ANKRD12: variants seen among roughly 807,000 people sequenced by gnomAD.
The protein encoded by ANKRD12 is ankyrin repeat domain 12.
A neutral mutation model predicts 183.4 loss-of-function variants in ANKRD12; 85 were observed. The ratio of observed to expected loss-of-function variants is 0.46; its 90% CI spans 0.39 to 0.56. The LOEUF is 0.56. ANKRD12 is among the 20% of genes least tolerant of loss of function. The pLI is 0.00. For missense variants in ANKRD12, 2,405 were observed against 2,357.1 expected (o/e 1.02, Z -0.42); for synonymous variants, 914 against 800.2 (o/e 1.14, Z -2.40).
intron 10 of ANKRD12, among the ~76,000 whole-genome samples, chr18:9,270,579 C>T (rs2039544961): frequency 1.3e-5 from 2 of 151,998 alleles, no homozygotes; most frequent in Non-Finnish European, 2.9e-5. Flanking sequence ...AACACATGGA[C>T]ACAGGAAGGG....
intron 6 of ANKRD12, among the ~76,000 whole-genome samples, chr18:9,216,302 T>G (rs1342122389): frequency 2.0e-5 from 3 of 152,154 alleles, no homozygotes; most frequent in Non-Finnish European, 4.4e-5. Context: ...TGATGACCTT[T>G]TTGATGATCC....
intron 10 of ANKRD12, among the ~76,000 whole-genome samples, chr18:9,274,400 A>T (rs544926998): frequency 6.6e-6 from 1 of 152,362 alleles, no homozygotes; most frequent in South Asian, 2.1e-4. Flanking sequence ...AACATGGATG[A>T]ACCTTGAAAT....
At chr18:9,183,463 G>C (rs979199764) in intron 2 of ANKRD12, among the ~76,000 whole-genome samples, 2 of 152,066 alleles carry the variant, frequency 1.3e-5, no homozygotes, top group Non-Finnish European at 2.9e-5. Flanking sequence ...GCATTCTATT[G>C]TTAAATTATT....
At chr18:9,166,308 A>G (rs1376715049) in intron 1 of ANKRD12, among the ~76,000 whole-genome samples, 1 of 152,178 alleles carries the variant, frequency 6.6e-6, no homozygotes, top group African/African-American at 2.4e-5. Flanking sequence ...TGACTTCCAC[A>G]ATGGTTGAAC....
intron 2 of ANKRD12, among the ~76,000 whole-genome samples, chr18:9,185,169 G>A (rs571790141): frequency 6.6e-6 from 1 of 152,336 alleles, no homozygotes; most frequent in South Asian, 2.1e-4. Context: ...AGGATAGGAG[G>A]TGAGTCTAGC....
At chr18:9,198,828 G>C (rs1249240492) in intron 3 of ANKRD12, among the ~76,000 whole-genome samples, 1 of 152,128 alleles carries the variant, frequency 6.6e-6, no homozygotes, top group Non-Finnish European at 1.5e-5. Context: ...TTACAGGAGT[G>C]AGCCAACATG....
At chr18:9,267,778 G>C (rs1911587849) in intron 10 of ANKRD12, among the ~76,000 whole-genome samples, 1 of 152,118 alleles carries the variant, frequency 6.6e-6, no homozygotes, top group South Asian at 2.1e-4. Context: ...GATCAGAGCA[G>C]AACTGAAGGA....
chr18:9,174,955 T>A (rs74984137), intron 1 of ANKRD12, among the ~76,000 whole-genome samples: 5 of 128,254 alleles, frequency 3.9e-5, no homozygotes, highest in African/African-American at 1.4e-4. Context: ...TATTTATTTA[T>A]TTAATTTGTT....
At chr18:9,279,389 A>G (rs2040003750) in intron 11 of ANKRD12, among the ~76,000 whole-genome samples, 160 bp from the exon 12 acceptor site, 1 of 152,212 alleles carries the variant, frequency 6.6e-6, no homozygotes, top group South Asian at 2.1e-4. Flanking sequence ...CAATGTGGAA[A>G]TAAAAGTTTT....
Position 9,149,792 on chromosome 18 carries a change from A to ATTTATTTTT in ANKRD12, c.-52+12827_-52+12828insTTTATTTTT, listed in dbSNP as rs75749856. On this transcript the variant is annotated intron_variant, in intron 1 of 12. Transcript: ENST00000262126. ...TAATGATTTATTTATTTATTTATTA[A>ATTTATTTTT]ATTTTATTTTTTTTTTTTTTTGAGA... 2.5e-4 allele frequency among the ~76,000 whole-genome samples: 7 copies of ATTTATTTTT among 28,196 alleles called. 1 individual carries two copies. The highest frequency in any genetic ancestry group is 4.3e-4 in the Non-Finnish European group (5 of 11,580). The allele number at this position is 28,196 out of a possible 152,430, so 18.5% of individuals were successfully genotyped here. A position where few individuals can be genotyped will look rare whatever the true frequency, so the allele number is the denominator to read the frequency against.
chr18:9,227,898 C>T (rs2036815858), intron 8 of ANKRD12, among the ~76,000 whole-genome samples: 1 of 152,142 alleles, frequency 6.6e-6, no homozygotes, highest in Non-Finnish European at 1.5e-5. Context: ...AACATTAGAA[C>T]TTACTTCATC....
Position 9,228,831 on chromosome 18 carries a change from A to G in ANKRD12, c.943+6832A>G, listed in dbSNP as rs184423547. Reference sequence around the variant, plus strand: ...TATAGTTTGATAGCCCCATTTGTCTACTTTTTTGTTTCCTGTGCATTTGAG... The same window carrying G: ...TATAGTTTGATAGCCCCATTTGTCTGCTTTTTTGTTTCCTGTGCATTTGAG... On this transcript the variant is annotated intron_variant, in intron 8 of 12. Coordinates refer to ENST00000262126, the MANE Select transcript of ANKRD12 (RefSeq NM_015208.5). Among the ~76,000 whole-genome samples the G allele has an allele frequency of 2.2e-4, 33 of 150,262 alleles. No individual in the cohort carries two copies. The East Asian group carries it at 5.6e-3, about 26-fold the overall frequency.
intron 8 of ANKRD12, among the ~76,000 whole-genome samples, chr18:9,239,170 T>C (rs1567952403): frequency 6.6e-6 from 1 of 152,212 alleles, no homozygotes. Context: ...GTTTATATGA[T>C]ATGTTAACTG....
At chr18:9,168,903 G>T (rs1260336648) in intron 1 of ANKRD12, among the ~76,000 whole-genome samples, 3 of 152,066 alleles carry the variant, frequency 2.0e-5, no homozygotes, top group Non-Finnish European at 4.4e-5. Context: ...GTGTCCCAGA[G>T]ATTCTGGTAT....
intron 1 of ANKRD12, among the ~76,000 whole-genome samples, chr18:9,159,599 A>T (rs1455330964): frequency 3.5e-4 from 50 of 143,024 alleles, no homozygotes; most frequent in Non-Finnish European, 6.1e-4. Context: ...GCCTGGCTAA[A>T]TTTTTTTTTT....
chr18:9,158,381 C>T lies in ANKRD12; in HGVS notation c.-52+21416C>T, dbSNP rs575861597. ...AGGATACCGCATTACATTTAGTTAT[C>T]ATGTCTCCTTAGCCTTCTCTTGGCA... On this transcript the variant is annotated intron_variant, in intron 1 of 12. Transcript: ENST00000262126. Among the ~76,000 whole-genome samples, 15 of 152,266 alleles carry T rather than the reference C, an allele frequency of 9.9e-5. No individual in the cohort carries two copies. The South Asian group carries it at 1.9e-3, about 19-fold the overall frequency.
rs536400616 is a variant in ANKRD12, at chr18:9,162,793, A to C, written c.-51-19589A>C. ...TTGTGGTTTTGATTTGCATTTCTCT[A>C]ATCAGTGATATTGAGTTTTTTTTCA... is the stretch of plus-strand genomic sequence containing the variant. On this transcript the variant is annotated intron_variant, in intron 1 of 12. Transcript: ENST00000262126. 3.8e-5 allele frequency among the ~76,000 whole-genome samples: 5 copies of C among 130,568 alleles called. No homozygotes were observed. The East Asian group carries it at 1.2e-3, about 31-fold the overall frequency. 85.7% of individuals were successfully genotyped at this position (130,568 alleles called of 152,430 possible).
intron 1 of ANKRD12, among the ~76,000 whole-genome samples, chr18:9,151,314 G>C (rs1006771831): frequency 6.6e-6 from 1 of 152,060 alleles, no homozygotes; most frequent in African/African-American, 2.4e-5. Context: ...TTTATTTTTT[G>C]CATGTGAGGA....
intron 6 of ANKRD12, among the ~76,000 whole-genome samples, chr18:9,214,594 C>T (rs991994621): frequency 2.6e-5 from 4 of 152,004 alleles, no homozygotes; most frequent in Admixed American, 2.0e-4. Context: ...TGAATAATAC[C>T]AGGGGACCCA....
Sources: gnomAD v4.1 joint callset for allele counts (sites outside exome capture counted in the v4.1 genomes callset) on GRCh38, gnomAD v4.1.1 for gene constraint, MANE v1.5 for transcripts, NCBI Gene and HGNC (gene_info 2026-07-23, HGNC 2026-07-21) for gene names.